Variants in DAGLB observed in about 807,000 individuals in gnomAD.
DAGLB encodes diacylglycerol lipase-beta.
In DAGLB, 66 loss-of-function variants were observed where a neutral mutation model predicts 72.1. That is an observed-to-expected ratio of 0.92 (90% CI 0.75 to 1.12). The LOEUF (loss-of-function observed/expected upper bound fraction) is 1.12, where lower values mean the gene tolerates loss of function less well. Ranked by LOEUF, DAGLB falls within the 50% of genes most tolerant of loss-of-function variation. The pLI, the probability that DAGLB is intolerant of heterozygous loss-of-function variation, is 0.00. For synonymous variants in DAGLB, 414 were observed against 359.5 expected (o/e 1.15, Z -1.71); for missense variants, 1,065 against 884.9 (o/e 1.20, Z -2.58).
chr7:6,444,731 TAGTCACC>T (rs2115301330), intron 2 of DAGLB, among the ~76,000 whole-genome samples: 1 of 152,230 alleles, frequency 6.6e-6, no homozygotes, highest in African/African-American at 2.4e-5. Flanking sequence ...TCAACATCAT[TAGTCACC>T]AAAGAAATGT....
intron 2 of DAGLB, among the ~76,000 whole-genome samples, chr7:6,442,468 G>C (rs1466899052): frequency 6.6e-6 from 1 of 152,102 alleles, no homozygotes; most frequent in Non-Finnish European, 1.5e-5. Flanking sequence ...TACACCGACT[G>C]CTTCCACTCT....
rs896292106 is a variant in DAGLB, at chr7:6,410,384, A to G, written c.1570-4T>C. 20 of 1,605,434 alleles carry G rather than the reference A, an allele frequency of 1.2e-5. No individual in the cohort carries two copies. Among genetic ancestry groups the G allele is most frequent in the East Asian group, 2.2e-5 (1 of 44,758 alleles). ...AACCGTGCAGCAAGATCTTGTACTG[A>G]GGGCGAGACCCAATCAGTAGAATGC... On this transcript the variant is annotated splice_region_variant and splice_polypyrimidine_tract_variant and intron_variant, in intron 13 of 14. Coordinates refer to ENST00000297056, the MANE Select transcript of DAGLB (RefSeq NM_139179.4).
intron 6 of DAGLB, among the ~76,000 whole-genome samples, chr7:6,429,156 G>A (rs892016810): frequency 6.6e-5 from 10 of 151,982 alleles, no homozygotes; most frequent in African/African-American, 2.4e-4. Flanking sequence ...CCTCAGCCAA[G>A]CAATCAATGT....
intron 11 of DAGLB, 50 bp from the exon 12 acceptor site, chr7:6,413,084 A>G (rs1159721343): frequency 3.8e-6 from 6 of 1,578,080 alleles, no homozygotes; most frequent in Non-Finnish European, 3.5e-6. Flanking sequence ...GACACTGCCC[A>G]CAAGGGCTTC....
At chr7:6,430,427 C>CTT (rs35483754) in intron 6 of DAGLB, 53 bp downstream of exon 6, 19 of 1,221,666 alleles carry the variant, frequency 1.6e-5, no homozygotes, top group East Asian at 8.8e-5. Flanking sequence ...CTCAAAATAG[C>CTT]TTTTTTTTTT....
chr7:6,428,732 C>A (rs558651047), intron 6 of DAGLB, among the ~76,000 whole-genome samples: 1 of 152,238 alleles, frequency 6.6e-6, no homozygotes, highest in African/African-American at 2.4e-5. Flanking sequence ...GGTGATCAGC[C>A]CGCCTTGGCC....
chr7:6,425,797 T>C (rs1228959714), intron 7 of DAGLB, among the ~76,000 whole-genome samples, 191 bp downstream of exon 7: 2 of 152,178 alleles, frequency 1.3e-5, no homozygotes, highest in East Asian at 1.9e-4. Flanking sequence ...GAAACCTGGG[T>C]TCTGAACCTG....
intron 6 of DAGLB, among the ~76,000 whole-genome samples, chr7:6,429,509 C>T (rs1784411521): frequency 6.6e-6 from 1 of 151,882 alleles, no homozygotes; most frequent in African/African-American, 2.4e-5. Context: ...ACCTTGTAAT[C>T]CCAGAACTCT....
chr7:6,443,990 G>C (rs1784916924), intron 2 of DAGLB, among the ~76,000 whole-genome samples: 1 of 152,186 alleles, frequency 6.6e-6, no homozygotes, highest in African/African-American at 2.4e-5. Context: ...TAGGTGATCA[G>C]ACGCGGTGGT....
intron 2 of DAGLB, among the ~76,000 whole-genome samples, chr7:6,443,239 T>C (rs896983482): frequency 8.1e-6 from 1 of 122,984 alleles, no homozygotes; most frequent in African/African-American, 3.4e-5. Flanking sequence ...ACAAAAAACT[T>C]TGTCTCTACT....
At chr7:6,426,782 A>C (rs1784324368) in intron 6 of DAGLB, among the ~76,000 whole-genome samples, 2 of 152,212 alleles carry the variant, frequency 1.3e-5, no homozygotes, top group East Asian at 3.8e-4. Context: ...GAAATCATAG[A>C]AGTAACTTTT....
intron 5 of DAGLB, 40 bp downstream of exon 5, chr7:6,432,796 TG>T (rs1562486053): frequency 1.3e-6 from 2 of 1,591,880 alleles, no homozygotes; most frequent in South Asian, 1.1e-5. Flanking sequence ...CACCAAAAGG[TG>T]TAAGTGTCAG....
chr7:6,434,532 T>C lies in DAGLB; in HGVS notation c.678+230A>G, dbSNP rs572891027. Among the ~76,000 whole-genome samples the C allele has an allele frequency of 1.8e-4, 28 of 152,192 alleles. No homozygotes were observed. The South Asian group carries it at 5.2e-3, about 28-fold the overall frequency. On this transcript the variant is annotated intron_variant, in intron 4 of 14. Coordinates refer to ENST00000297056, the MANE Select transcript of DAGLB (RefSeq NM_139179.4). ...GCATTTTGACAGGGTAGTGAGTGGG[T>C]GTCAATACGAAGACATGTCCTATTG...
intron 8 of DAGLB, 41 bp downstream of exon 8, chr7:6,424,711 G>C (rs762126268): frequency 6.3e-7 from 1 of 1,599,768 alleles, no homozygotes; most frequent in Non-Finnish European, 8.6e-7. Context: ...TCCCGCTCCC[G>C]CACCCACTCC....
At position 6,432,938 on chromosome 7, in the gene DAGLB, C is replaced by G; in HGVS notation, c.700G>C (p.Asp234His). The G allele has an allele frequency of 6.2e-7, 1 of 1,613,808 alleles. No individual in the cohort carries two copies. The highest frequency in any genetic ancestry group is 2.2e-5 in the East Asian group (1 of 44,864). ...AGCAGGGCGAGGCCCGCCGCAATGT[C>G]GCTGGGCACCAGATCTGTGTCCTGG... The part of the protein sequence containing the change: ...YFSDTDLVPS[D>H]IAAGLALLHQ... The change falls in exon 5 of 15, where the codon GAC (aspartate) becomes CAC (histidine). Residue 234 changes from aspartate (D) to histidine (H), a missense_variant. Asp to His is a moderately conservative substitution (Grantham distance 81). Coordinates refer to ENST00000297056, the MANE Select transcript of DAGLB (RefSeq NM_139179.4).
At position 6,409,755 on chromosome 7, in the gene DAGLB, A is replaced by G; in HGVS notation, c.*82T>C. 6.8e-7 allele frequency: 1 copy of G among 1,479,498 alleles called. No individual in the cohort carries two copies. The highest frequency in any genetic ancestry group is 9.1e-7 in the Non-Finnish European group (1 of 1,094,474). 91.6% of individuals were successfully genotyped at this position (1,479,498 alleles called of 1,614,324 possible). A position where few individuals can be genotyped will look rare whatever the true frequency, so the allele number is the denominator to read the frequency against. On this transcript the variant is annotated 3_prime_UTR_variant, in exon 15 of 15. Coordinates refer to ENST00000297056, the MANE Select transcript of DAGLB (RefSeq NM_139179.4). ...GATGGACATTCGCTGTTTTGGCGTC[A>G]TGGGAACTCCTCGGATGGTAAGTCA... is the stretch of plus-strand genomic sequence containing the variant.
chr7:6,427,007 C>T (rs1476587732), intron 6 of DAGLB, among the ~76,000 whole-genome samples: 1 of 152,178 alleles, frequency 6.6e-6, no homozygotes, highest in Non-Finnish European at 1.5e-5. Flanking sequence ...ACTCGGGACG[C>T]TGAGGCAGGA....
At chr7:6,425,890 T>C in intron 7 of DAGLB, 98 bp downstream of exon 7, 1 of 1,564,878 alleles carries the variant, frequency 6.4e-7, no homozygotes, top group Non-Finnish European at 8.7e-7. Flanking sequence ...TTTGTGTGTC[T>C]ATGAATTACG....
intron 2 of DAGLB, among the ~76,000 whole-genome samples, chr7:6,439,131 T>C (rs1784750123): frequency 6.6e-6 from 1 of 152,092 alleles, no homozygotes; most frequent in African/African-American, 2.4e-5. Flanking sequence ...GGTGTGCTCA[T>C]GTAGTCCCAG....
Sources: allele counts gnomAD v4.1 joint callset (sites outside exome capture counted in the v4.1 genomes callset), GRCh38; gene constraint gnomAD v4.1.1; transcripts MANE v1.5; gene names NCBI Gene and HGNC (gene_info 2026-07-23, HGNC 2026-07-21).